Variants in HOXA10 observed in about 807,000 individuals in gnomAD.
The protein encoded by HOXA10 is homeobox A10.
Under a neutral mutation model 29.7 loss-of-function variants are expected in HOXA10, and 12 were observed. The observed-to-expected ratio is 0.40, with a 90% confidence interval of 0.26 to 0.65. The LOEUF is 0.65. Among genes scored for constraint, HOXA10 ranks in the 30% least tolerant of loss-of-function variants. The pLI is 0.37. For missense variants in HOXA10, 656 were observed against 585.9 expected (o/e 1.12, Z -1.24); for synonymous variants, 327 against 280.7 (o/e 1.16, Z -1.65).
chr7:27,175,621 T>C (rs1412310594), upstream of HOXA10, among the ~76,000 whole-genome samples: 2 of 152,156 alleles, frequency 1.3e-5, no homozygotes, highest in African/African-American at 2.4e-5. Flanking sequence ...AGCCCCCAAG[T>C]GTGAGCCTCA....
In HOXA10 at chr7:27,174,232, G is replaced by C. The variant is rs1783602155; in HGVS notation, c.75C>G (p.Ala25=). The change falls in exon 1 of 2, where the codon GCC becomes GCG. Residue 25 remains alanine (A), a synonymous_variant. Transcript: ENST00000283921. ...PTTMSCSESP[A]ANSFLVDSLI... ...GCGAGTCGACCAAAAAAGAGTTCGC[G>C]GCGGGGCTCTCCGAGCATGACATTG... 1 of 1,600,326 alleles carries C rather than the reference G, an allele frequency of 6.2e-7. No individual in the cohort carries two copies. The highest frequency in any genetic ancestry group is 8.5e-7 in the Non-Finnish European group (1 of 1,179,842).
chr7:27,173,097 G>T (rs745334994), intron 1 of HOXA10: 3 of 582,842 alleles, frequency 5.1e-6, no homozygotes, highest in Non-Finnish European at 9.1e-6. Flanking sequence ...CCTGCTCGCT[G>T]GTGTCCTCGT....
upstream of HOXA10, among the ~76,000 whole-genome samples, chr7:27,177,083 A>T (rs927261307): frequency 3.9e-5 from 6 of 152,182 alleles, no homozygotes; most frequent in African/African-American, 7.2e-5. Flanking sequence ...TCTAGGCTGG[A>T]TAGAATCCAG....
rs767297069 is a variant in HOXA10, at chr7:27,171,854, G to A, written c.*45C>T. The A allele has an allele frequency of 6.2e-7, 1 of 1,606,806 alleles. No homozygotes were observed. Among genetic ancestry groups the A allele is most frequent in the African/African-American group, 1.3e-5 (1 of 74,880 alleles). ...GCAGAGCCTGAAGACAGAGGGAGGG[G>A]ACCAGCGCTCGGGAAGTGAAAAAAC... On this transcript the variant is annotated 3_prime_UTR_variant, in exon 2 of 2. Transcript: ENST00000283921.
chr7:27,174,031 C>T lies in HOXA10; in HGVS notation c.276G>A (p.Ala92=). The T allele has an allele frequency of 6.5e-7, 1 of 1,533,952 alleles. No individual in the cohort carries two copies. The highest frequency in any genetic ancestry group is 1.2e-5 in the South Asian group (1 of 84,324). ...CGCCACCGCCACCGCTGCCCGGCGA[C>T]GCTGCCTCATTGCGCTTGCCGCCCA... is the stretch of plus-strand genomic sequence containing the variant. ...PTLGGKRNEA[A]SPGSGGGGGG... Residue 92 remains alanine (A), a synonymous_variant, in exon 1 of 2, where the codon GCG becomes GCA. Coordinates refer to ENST00000283921, the MANE Select transcript of HOXA10 (RefSeq NM_018951.4).
upstream of HOXA10, among the ~76,000 whole-genome samples, chr7:27,175,394 C>T (rs1447618772): frequency 2.0e-5 from 3 of 152,180 alleles, no homozygotes; most frequent in South Asian, 2.1e-4. Context: ...CCTCTCTGTC[C>T]CCTCCCCTCT....
Position 27,173,350 on chromosome 7 carries a change from C to G in HOXA10, c.957G>C (p.Leu319=), listed in dbSNP as rs1266064617. The change falls in exon 1 of 2, where the codon CTG becomes CTC. Residue 319 remains leucine, a splice_region_variant and synonymous_variant. Coordinates refer to ENST00000283921, the MANE Select transcript of HOXA10 (RefSeq NM_018951.4). Reference sequence around the variant, plus strand: ...GCAGCCCTCTGCAGCCCTGCTTACCCAGGGAATCCTTCTCCGGCGAGGCTT... The same window carrying G: ...GCAGCCCTCTGCAGCCCTGCTTACCGAGGGAATCCTTCTCCGGCGAGGCTT... ...SSKASPEKDS[L]GNSKGENAAN... 1 of 1,612,020 alleles carries G rather than the reference C, an allele frequency of 6.2e-7. No individual in the cohort carries two copies. The highest frequency in any genetic ancestry group is 1.1e-5 in the South Asian group (1 of 91,008).
chr7:27,173,797 G>T lies in HOXA10; in HGVS notation c.510C>A (p.Cys170Ter). 6.2e-7 allele frequency: 1 copy of T among 1,611,194 alleles called. No homozygotes were observed. Among genetic ancestry groups the T allele is most frequent in the Non-Finnish European group, 8.5e-7 (1 of 1,178,802 alleles). ...AQNIKEESSY[C>*]LYDSADKCPK... is the part of the protein sequence containing the mutation. ...GGCATTTGTCCGCCGAGTCGTAGAGGCAGTAGGAGCTCTCTTCTTTGATGT... is the reference window on the plus strand; with the variant it reads ...GGCATTTGTCCGCCGAGTCGTAGAGTCAGTAGGAGCTCTCTTCTTTGATGT... Residue 170 changes from cysteine (C) to a stop codon, truncating the protein, a stop_gained, in exon 1 of 2, where the codon TGC becomes TGA. Transcript: ENST00000283921. LOFTEE classifies it high-confidence loss of function.
upstream of HOXA10, among the ~76,000 whole-genome samples, chr7:27,178,931 C>A (rs1041293787): frequency 6.6e-6 from 1 of 152,200 alleles, no homozygotes; most frequent in Non-Finnish European, 1.5e-5. Context: ...AATTTATCCT[C>A]GGTTCCAGCT....
rs756256153 is a variant in HOXA10 at position 27,170,749 on chromosome 7, G to A, written c.*1150C>T. ...TTTATAATAACGATAGAATGCATTTGCTTAAAACAAGATTGGCAATTCTTC... is the reference window on the plus strand; with the variant it reads ...TTTATAATAACGATAGAATGCATTTACTTAAAACAAGATTGGCAATTCTTC... On this transcript the variant is annotated 3_prime_UTR_variant, in exon 2 of 2. Coordinates refer to ENST00000283921, the MANE Select transcript of HOXA10 (RefSeq NM_018951.4). 8 of 448,838 alleles carry A rather than the reference G, an allele frequency of 1.8e-5. No homozygotes were observed. The highest frequency in any genetic ancestry group is 1.3e-4 in the South Asian group (8 of 62,184). The allele number at this position is 448,838 out of a possible 1,614,324, so 27.8% of individuals were successfully genotyped here.
At chr7:27,179,036 C>G (rs760214841), upstream of HOXA10, among the ~76,000 whole-genome samples, 2 of 152,158 alleles carry the variant, frequency 1.3e-5, no homozygotes, top group Non-Finnish European at 2.9e-5. Flanking sequence ...GAAATTGCTG[C>G]GAAATTGCAG....
At chr7:27,178,592 A>C (rs913132394), upstream of HOXA10, among the ~76,000 whole-genome samples, 10 of 152,362 alleles carry the variant, frequency 6.6e-5, no homozygotes, top group East Asian at 1.9e-3. Context: ...CCCGCTGCAG[A>C]GAGCAGCTCA....
Position 27,171,002 on chromosome 7 carries a change from A to G in HOXA10, c.*897T>C, listed in dbSNP as rs1274269419. On this transcript the variant is annotated 3_prime_UTR_variant, in exon 2 of 2. Coordinates refer to ENST00000283921, the MANE Select transcript of HOXA10 (RefSeq NM_018951.4). ...TTGTTCAAGGCGATTTAAAAAAACA[A>G]CTTCACAAGATAGGGAGAATTGTGG... The G allele has an allele frequency of 1.3e-5, 6 of 453,806 alleles. No individual in the cohort carries two copies. The highest frequency in any genetic ancestry group is 1.4e-4 in the East Asian group (2 of 14,402). 28.1% of individuals were successfully genotyped at this position (453,806 alleles called of 1,614,324 possible).
In HOXA10 at chr7:27,171,802, G is replaced by A. The variant is rs904269122; in HGVS notation, c.*97C>T. 1 of 1,236,174 alleles carries A rather than the reference G, an allele frequency of 8.1e-7. No homozygotes were observed. Among genetic ancestry groups the A allele is most frequent in the South Asian group, 1.2e-5 (1 of 83,146 alleles). The allele number at this position is 1,236,174 out of a possible 1,614,324, so 76.6% of individuals were successfully genotyped here. ...TGGCGAGTGTGGGAGGGAGGAACAG[G>A]GCTCCAGCACAGGTGCGAGTTCCTG... On this transcript the variant is annotated 3_prime_UTR_variant, in exon 2 of 2. Coordinates refer to ENST00000283921, the MANE Select transcript of HOXA10 (RefSeq NM_018951.4).
chr7:27,173,569 CG>C lies in HOXA10; in HGVS notation c.737del (p.Pro246ArgfsTer11). ...LGAGPFPAQPPGRGFDLPPAL... is the reference protein window; with the variant it reads ...LGAGPFPAQPXGRGFDLPPAL... Reference sequence around the variant, plus strand: ...CGGGCGGGAGATCGAAACCGCGCCCCGGGGGCTGCGCGGGGAACGGGCCAGC... The same window carrying C: ...CGGGCGGGAGATCGAAACCGCGCCCCGGGGCTGCGCGGGGAACGGGCCAGC... On this transcript the variant is annotated frameshift_variant, in exon 1 of 2. Coordinates refer to ENST00000283921, the MANE Select transcript of HOXA10 (RefSeq NM_018951.4). LOFTEE classifies it high-confidence loss of function. The C allele has an allele frequency of 1.4e-6, 2 of 1,467,904 alleles. No homozygotes were observed. Among genetic ancestry groups the C allele is most frequent in the Non-Finnish European group, 1.8e-6 (2 of 1,117,036 alleles). The allele number at this position is 1,467,904 out of a possible 1,614,324, so 90.9% of individuals were successfully genotyped here.
chr7:27,172,302 G>T (rs1254033197), intron 1 of HOXA10, 129 bp from the exon 2 acceptor site: 1 of 995,482 alleles, frequency 1.0e-6, no homozygotes. Flanking sequence ...TCGTGCCCCC[G>T]TTTTTGGCTT....
chr7:27,171,502 A>G lies in HOXA10; in HGVS notation c.*397T>C, dbSNP rs1365654381. The G allele has an allele frequency of 2.2e-6, 1 of 463,386 alleles. No individual in the cohort carries two copies. The highest frequency in any genetic ancestry group is 2.0e-5 in the African/African-American group (1 of 50,414). The allele number at this position is 463,386 out of a possible 1,614,324, so 28.7% of individuals were successfully genotyped here. A position where few individuals can be genotyped will look rare whatever the true frequency, so the allele number is the denominator to read the frequency against. On this transcript the variant is annotated 3_prime_UTR_variant, in exon 2 of 2. Coordinates refer to ENST00000283921, the MANE Select transcript of HOXA10 (RefSeq NM_018951.4). ...ACCTCAGGCCAGACACCTCAGCGCC[A>G]ACAATGGGACCTCGGCCTTCCGGCT... is the stretch of plus-strand genomic sequence containing the variant.
chr7:27,177,861 C>A (rs955888184), upstream of HOXA10, among the ~76,000 whole-genome samples: 1 of 152,160 alleles, frequency 6.6e-6, no homozygotes, highest in Non-Finnish European at 1.5e-5. Context: ...CCTTATGCAG[C>A]GGTTACACAG....
rs767274315 is a variant in HOXA10 at position 27,173,342 on chromosome 7, T to C, written c.958+7A>G. The C allele has an allele frequency of 6.2e-7, 1 of 1,611,874 alleles. No individual in the cohort carries two copies. The highest frequency in any genetic ancestry group is 2.2e-5 in the East Asian group (1 of 44,856). Reference sequence around the variant, plus strand: ...GCCTGACTGCAGCCCTCTGCAGCCCTGCTTACCCAGGGAATCCTTCTCCGG... The same window carrying C: ...GCCTGACTGCAGCCCTCTGCAGCCCCGCTTACCCAGGGAATCCTTCTCCGG... On this transcript the variant is annotated splice_region_variant and intron_variant, in intron 1 of 1. Transcript: ENST00000283921.
Sources: allele counts gnomAD v4.1 joint callset (sites outside exome capture counted in the v4.1 genomes callset), GRCh38; gene constraint gnomAD v4.1.1; transcripts MANE v1.5; gene names NCBI Gene and HGNC (gene_info 2026-07-23, HGNC 2026-07-21).